The following SPOCK1 variants were observed in gnomAD, a reference collection of about 807,000 sequenced individuals.
The protein encoded by SPOCK1 is testican-1.
A neutral mutation model predicts 55.3 loss-of-function variants in SPOCK1; 23 were observed. That is an observed-to-expected ratio of 0.42 (90% CI 0.30 to 0.59). SPOCK1 has a LOEUF of 0.59. Among genes scored for constraint, SPOCK1 ranks in the 20% least tolerant of loss-of-function variants. The probability of loss-of-function intolerance (pLI) is 0.22; values close to 1 mark genes in which losing one functional copy is unlikely to be tolerated. For missense variants in SPOCK1, 499 were observed against 552.5 expected (o/e 0.90, Z 0.97); for synonymous variants, 226 against 221.0 (o/e 1.02, Z -0.20).
rs534582677 is a variant in SPOCK1 at position 137,168,111 on chromosome 5, T to A, written c.233-27417A>T. Among the ~76,000 whole-genome samples, 6 of 152,036 alleles carry A rather than the reference T, an allele frequency of 3.9e-5. No homozygotes were observed. The South Asian group carries it at 8.3e-4, about 21-fold the overall frequency. On this transcript the variant is annotated intron_variant, in intron 3 of 10. Coordinates refer to ENST00000394945, the MANE Select transcript of SPOCK1 (RefSeq NM_004598.4). ...AAAGAAAAAAGAGAGAAGACATACATTGGGGAAAAGATAGTCTCTTCAATA... is the reference window on the plus strand; with the variant it reads ...AAAGAAAAAAGAGAGAAGACATACAATGGGGAAAAGATAGTCTCTTCAATA...
intron 2 of SPOCK1, among the ~76,000 whole-genome samples, chr5:137,483,927 C>T (rs559456646): frequency 2.6e-5 from 4 of 152,316 alleles, no homozygotes; most frequent in African/African-American, 9.6e-5. Context: ...AGCCCTTCTG[C>T]CTGCCTGCTC....
At position 137,036,845 on chromosome 5, in the gene SPOCK1, T is replaced by C. The variant is rs149191548; in HGVS notation, c.589+30870A>G. Among the ~76,000 whole-genome samples, 542 of 152,228 alleles carry C rather than the reference T, an allele frequency of 3.6e-3. 15 individuals are homozygous for C. The highest frequency in any genetic ancestry group is 0.028 in the Admixed American group (429 of 15,304). On this transcript the variant is annotated intron_variant, in intron 6 of 10. Coordinates refer to ENST00000394945, the MANE Select transcript of SPOCK1 (RefSeq NM_004598.4). ...AGCAAGACATTTAAAGTGCTATTGA[T>C]TTCTCTCCTCAGAAGGAAAGGTGAG...
intron 3 of SPOCK1, among the ~76,000 whole-genome samples, chr5:137,214,789 T>A (rs1353851866): frequency 1.3e-5 from 2 of 152,172 alleles, no homozygotes; most frequent in African/African-American, 2.4e-5. Flanking sequence ...AGTACCTGAA[T>A]GAGTAGAGAT....
At chr5:137,010,209 C>T (rs181115053) in intron 6 of SPOCK1, among the ~76,000 whole-genome samples, 122 of 152,096 alleles carry the variant, frequency 8.0e-4, no homozygotes, top group African/African-American at 2.7e-3. Flanking sequence ...CTGCAGAGTG[C>T]CTGGCCAAAA....
chr5:137,459,217 A>G (rs1405547618), intron 2 of SPOCK1, among the ~76,000 whole-genome samples: 3 of 152,156 alleles, frequency 2.0e-5, no homozygotes, highest in Non-Finnish European at 4.4e-5. Flanking sequence ...TGAATTCAAG[A>G]GCAGGGGAAG....
At chr5:137,040,496 T>C (rs1444500211) in intron 6 of SPOCK1, among the ~76,000 whole-genome samples, 1 of 152,116 alleles carries the variant, frequency 6.6e-6, no homozygotes, top group Non-Finnish European at 1.5e-5. Context: ...GCCCACAAAA[T>C]ACATAAGGGA....
At chr5:137,473,310 C>G (rs1753774440) in intron 2 of SPOCK1, among the ~76,000 whole-genome samples, 1 of 152,168 alleles carries the variant, frequency 6.6e-6, no homozygotes, top group South Asian at 2.1e-4. Context: ...TGATAAATTG[C>G]TATAAGCTGT....
rs369666002 is a variant in SPOCK1, at chr5:137,479,569, A to G, written c.186+18804T>C. 3.9e-5 allele frequency among the ~76,000 whole-genome samples: 6 copies of G among 152,310 alleles called. No homozygotes were observed. The East Asian group carries it at 7.7e-4, about 20-fold the overall frequency. On this transcript the variant is annotated intron_variant, in intron 2 of 10. Coordinates refer to ENST00000394945, the MANE Select transcript of SPOCK1 (RefSeq NM_004598.4). ...TGGCCATGTGACCTACCTGGCTCTCAAAAATGGCATCTCCTCTAAGAAGAT... is the reference window on the plus strand; with the variant it reads ...TGGCCATGTGACCTACCTGGCTCTCGAAAATGGCATCTCCTCTAAGAAGAT...
At chr5:137,316,453 T>C (rs898323103) in intron 2 of SPOCK1, among the ~76,000 whole-genome samples, 3 of 152,174 alleles carry the variant, frequency 2.0e-5, no homozygotes, top group African/African-American at 7.2e-5. Flanking sequence ...GTCCTTGATA[T>C]CATGTGATTC....
intron 6 of SPOCK1, among the ~76,000 whole-genome samples, chr5:137,064,679 T>G (rs1752460544): frequency 6.7e-6 from 1 of 148,988 alleles, no homozygotes; most frequent in South Asian, 2.1e-4. Context: ...CTCTCCCTTG[T>G]ACCCATGCCC....
chr5:137,208,791 A>G (rs984394895), intron 3 of SPOCK1, among the ~76,000 whole-genome samples: 12 of 151,822 alleles, frequency 7.9e-5, no homozygotes, highest in African/African-American at 2.4e-4. Flanking sequence ...GATCAGGTGT[A>G]CCCCAAACCT....
chr5:137,465,079 CAG>C (rs913757499), intron 2 of SPOCK1, among the ~76,000 whole-genome samples: 1 of 152,080 alleles, frequency 6.6e-6, no homozygotes, highest in African/African-American at 2.4e-5. Context: ...CAGATAACAC[CAG>C]AGTCCAGGAT....
intron 2 of SPOCK1, among the ~76,000 whole-genome samples, chr5:137,378,044 A>C (rs1751366361): frequency 6.9e-6 from 1 of 145,152 alleles, no homozygotes; most frequent in Non-Finnish European, 1.5e-5. Flanking sequence ...TACTGGGTTC[A>C]AGTGATTCTC....
intron 2 of SPOCK1, among the ~76,000 whole-genome samples, chr5:137,309,227 G>C (rs1332096258): frequency 6.6e-6 from 1 of 152,130 alleles, no homozygotes; most frequent in Non-Finnish European, 1.5e-5. Context: ...ACTCCCAAGG[G>C]GAACAGCTTT....
At chr5:137,032,763 A>G (rs1366126378) in intron 6 of SPOCK1, among the ~76,000 whole-genome samples, 1 of 152,156 alleles carries the variant, frequency 6.6e-6, no homozygotes, top group Non-Finnish European at 1.5e-5. Context: ...GTGATGAGAA[A>G]AGGGAGGCAG....
At chr5:137,004,307 C>T (rs1423169607) in intron 6 of SPOCK1, among the ~76,000 whole-genome samples, 1 of 152,144 alleles carries the variant, frequency 6.6e-6, no homozygotes, top group East Asian at 1.9e-4. Context: ...GGTCTAGAGA[C>T]AAACTGCCTC....
chr5:137,475,977 A>T lies in SPOCK1; in HGVS notation c.186+22396T>A, dbSNP rs74330848. Among the ~76,000 whole-genome samples, 559 of 152,104 alleles carry T rather than the reference A, an allele frequency of 3.7e-3. 3 individuals carry two copies. The highest frequency in any genetic ancestry group is 0.012 in the African/African-American group (504 of 41,514). ...TATGTTTAAAAAGGCAAGCTAGAGA[A>T]CACTGTGTATAGACTTCTACCTTGG... On this transcript the variant is annotated intron_variant, in intron 2 of 10. Transcript: ENST00000394945.
chr5:137,287,881 G>A (rs1475943028), intron 2 of SPOCK1, among the ~76,000 whole-genome samples: 1 of 152,162 alleles, frequency 6.6e-6, no homozygotes, highest in Admixed American at 6.5e-5. Context: ...CAATGGGCGG[G>A]TAGAAGTCAC....
chr5:137,205,636 T>C (rs1755505929), intron 3 of SPOCK1, among the ~76,000 whole-genome samples: 1 of 152,228 alleles, frequency 6.6e-6, no homozygotes, highest in Non-Finnish European at 1.5e-5. Context: ...TCCTGAAACA[T>C]GCCTCTTGGA....
Sources: allele counts gnomAD v4.1 joint callset (sites outside exome capture counted in the v4.1 genomes callset), GRCh38; gene constraint gnomAD v4.1.1; transcripts MANE v1.5; gene names NCBI Gene and HGNC (gene_info 2026-07-23, HGNC 2026-07-21).